ENKUR: variants seen among roughly 807,000 people sequenced by gnomAD.
The protein encoded by ENKUR is enkurin.
In ENKUR, 19 loss-of-function variants were observed where a neutral mutation model predicts 27.6. The observed-to-expected ratio is 0.69, with a 90% CI of 0.48 to 1.01. The LOEUF is 1.01. Among genes scored for constraint, ENKUR ranks in the 50% least tolerant of loss-of-function variants. The pLI is 0.00. For missense variants in ENKUR, 312 were observed against 310.5 expected, an observed-to-expected ratio of 1.00 and a Z score of -0.04; for synonymous variants, 117 against 96.9, an observed-to-expected ratio of 1.21 and a Z score of -1.22.
chr10:25,010,017 C>G (rs1850404953), intron 1 of ENKUR, among the ~76,000 whole-genome samples: 1 of 152,060 alleles, frequency 6.6e-6, no homozygotes. Flanking sequence ...TAAAGATACC[C>G]AAAAATGTGA....
chr10:24,990,646 T>C, intron 3 of ENKUR, 37 bp from the exon 4 acceptor site: 1 of 1,574,980 alleles, frequency 6.3e-7, no homozygotes, highest in African/African-American at 1.4e-5. Flanking sequence ...ATCAATATTT[T>C]GTATGCAATC....
In ENKUR at chr10:25,022,537, G is replaced by A. The variant is rs539478220; in HGVS notation, c.38-26668C>T. Among the ~76,000 whole-genome samples the A allele has an allele frequency of 1.2e-4, 18 of 152,218 alleles. No homozygotes were observed. In the South Asian group the frequency reaches 3.3e-3, roughly 28 times the overall value. On this transcript the variant is annotated intron_variant, in intron 2 of 5. Coordinates refer to the ENKUR transcript ENST00000615958. ...TATGTAACAATGATTCTTAATATGC[G>A]TGTAAAAGGCACATAAGAAAGAAAA...
Position 25,023,315 on chromosome 10 carries a change from G to A in ENKUR, c.38-27446C>T, listed in dbSNP as rs757286871. On this transcript the variant is annotated intron_variant, in intron 2 of 5. Coordinates refer to the ENKUR transcript ENST00000615958. ...GTTAAAACGGATAAACATGCACAGC[G>A]ATTTCTTTCAAGAACCTTTGCACTT... 1.1e-5 allele frequency: 17 copies of A among 1,614,102 alleles called. No individual in the cohort carries two copies. The highest frequency in any genetic ancestry group is 2.2e-5 in the East Asian group (1 of 44,866).
intron 2 of ENKUR, among the ~76,000 whole-genome samples, chr10:25,051,379 A>G (rs1294453912): frequency 6.6e-6 from 1 of 152,154 alleles, no homozygotes; most frequent in Non-Finnish European, 1.5e-5. Context: ...GAAATACCTG[A>G]GACTGGGTAA....
chr10:25,016,127 T>G lies in ENKUR; in HGVS notation c.-191A>C, dbSNP rs1850565409. On this transcript the variant is annotated 5_prime_UTR_variant, in exon 1 of 6. Coordinates refer to ENST00000331161, the MANE Select transcript of ENKUR (RefSeq NM_145010.4). The stretch of plus-strand genomic sequence containing the variant: ...CTCTCTCGGGAAGAAAACACCCTAT[T>G]TCTCTCCGGATTGCTAAGCGTCGTT... 3 of 1,254,660 alleles carry G rather than the reference T, an allele frequency of 2.4e-6. No individual in the cohort carries two copies. The highest frequency in any genetic ancestry group is 3.0e-6 in the Non-Finnish European group (3 of 997,740). 77.7% of individuals were successfully genotyped at this position (1,254,660 alleles called of 1,614,324 possible). A position where few individuals can be genotyped will look rare whatever the true frequency, so the allele number is the denominator to read the frequency against.
intron 2 of ENKUR, 138 bp from the exon 3 acceptor site, chr10:24,996,007 T>C (rs1470167661): frequency 2.1e-5 from 14 of 667,584 alleles, no homozygotes; most frequent in African/African-American, 1.9e-4. Context: ...GATAGAAGTT[T>C]ATGCTTACCC....
intron 2 of ENKUR, among the ~76,000 whole-genome samples, chr10:25,060,124 C>T (rs975370852): frequency 2.0e-5 from 3 of 152,120 alleles, no homozygotes; most frequent in African/African-American, 7.2e-5. Context: ...GTGAAGCCGA[C>T]CTGTCTGTAC....
At chr10:25,018,659 GTTTTTTT>G (rs374289213), upstream of ENKUR, among the ~76,000 whole-genome samples, 2 of 93,740 alleles carry the variant, frequency 2.1e-5, no homozygotes, top group East Asian at 5.0e-4. Flanking sequence ...AATGAGAGTT[GTTTTTTT>G]TTTTTTTTTT....
intron 4 of ENKUR, among the ~76,000 whole-genome samples, chr10:24,988,240 ATATATATATATGTGTATATATATATT>A (rs911456998): frequency 2.1e-5 from 3 of 145,074 alleles, no homozygotes; most frequent in African/African-American, 7.7e-5. Flanking sequence ...AAATGTATAT[ATATATATATATGTGTATATATATATT>A]TATATATATG....
chr10:25,029,026 T>C (rs1850903474), intron 2 of ENKUR, among the ~76,000 whole-genome samples: 1 of 152,226 alleles, frequency 6.6e-6, no homozygotes, highest in Non-Finnish European at 1.5e-5. Flanking sequence ...TTGAATTGTA[T>C]TACTAAATAG....
Position 24,983,481 on chromosome 10 carries a change from G to GCCTA in ENKUR, c.*885_*888dup, listed in dbSNP as rs1849714546. 1 of 152,154 alleles carries GCCTA rather than the reference G, an allele frequency of 6.6e-6. No individual in the cohort carries two copies. The highest frequency in any genetic ancestry group is 2.4e-5 in the African/African-American group (1 of 41,442). 9.4% of individuals were successfully genotyped at this position (152,154 alleles called of 1,614,324 possible). ...TTGGAGTGTACTGTCACAGCTGTTA[G>GCCTA]CCTACCCTAAATAGCAACCAACCAT... On this transcript the variant is annotated 3_prime_UTR_variant, in exon 6 of 6. Transcript: ENST00000331161.
At chr10:25,052,918 C>A (rs531744241) in intron 2 of ENKUR, among the ~76,000 whole-genome samples, 1 of 151,856 alleles carries the variant, frequency 6.6e-6, no homozygotes, top group Non-Finnish European at 1.5e-5. Flanking sequence ...TACAGGCATG[C>A]GCCACCATGC....
At chr10:25,040,371 ATTT>A (rs370808163) in intron 2 of ENKUR, among the ~76,000 whole-genome samples, 5 of 133,800 alleles carry the variant, frequency 3.7e-5, no homozygotes, top group African/African-American at 5.5e-5. Flanking sequence ...ATTAAATGGG[ATTT>A]TTTTTTTTTT....
intron 2 of ENKUR, among the ~76,000 whole-genome samples, chr10:25,029,097 A>G (rs938620046): frequency 2.0e-5 from 3 of 152,146 alleles, no homozygotes; most frequent in East Asian, 3.9e-4. Context: ...TCTAATTTTT[A>G]TCTCTTCTTG....
exon 2 of ENKUR, chr10:25,061,324 G>A (rs960506170): frequency 2.2e-5 from 14 of 625,288 alleles, no homozygotes; most frequent in Non-Finnish European, 3.7e-5. Context: ...CCAGCCGCCT[G>A]CTCTGTTGGG....
In ENKUR at chr10:24,982,663, A is replaced by T. The variant is rs1386859443; in HGVS notation, c.*1707T>A. 2 of 152,154 alleles carry T rather than the reference A, an allele frequency of 1.3e-5. No individual in the cohort carries two copies. Among genetic ancestry groups the T allele is most frequent in the Non-Finnish European group, 2.9e-5 (2 of 68,048 alleles). The allele number at this position is 152,154 out of a possible 1,614,324, so 9.4% of individuals were successfully genotyped here. On this transcript the variant is annotated 3_prime_UTR_variant, in exon 6 of 6. Transcript: ENST00000331161. ...GGGTGATAGGATGACCTAGGTATGT[A>T]TGTGTATGGATTGGGGGAGGTTGAA...
intron 1 of ENKUR, among the ~76,000 whole-genome samples, chr10:25,000,337 A>G (rs1202893395): frequency 1.3e-5 from 2 of 152,182 alleles, no homozygotes; most frequent in Admixed American, 6.5e-5. Context: ...CAACTAGGTC[A>G]AACTGAAAGT....
chr10:25,031,762 T>C (rs1850937764), intron 2 of ENKUR, among the ~76,000 whole-genome samples: 1 of 151,892 alleles, frequency 6.6e-6, no homozygotes, highest in Non-Finnish European at 1.5e-5. Flanking sequence ...TTTAAATTTT[T>C]AAATTGCTTT....
At chr10:25,025,819 A>G (rs778333969) in intron 2 of ENKUR, 4 of 190,416 alleles carry the variant, frequency 2.1e-5, no homozygotes, top group Non-Finnish European at 4.8e-5. Context: ...TACATCTGTA[A>G]CTAGTGAATA....
Sources: gnomAD v4.1 joint callset for allele counts (sites outside exome capture counted in the v4.1 genomes callset) on GRCh38, gnomAD v4.1.1 for gene constraint, MANE v1.5 for transcripts, NCBI Gene and HGNC (gene_info 2026-07-23, HGNC 2026-07-21) for gene names.